ITGA8: variants seen among roughly 807,000 people sequenced by gnomAD.
ITGA8 encodes the protein integrin alpha-8.
In ITGA8, 91 loss-of-function variants were observed where a neutral mutation model predicts 142.3. That is an observed-to-expected ratio of 0.64 (90% CI 0.54 to 0.76). The LOEUF (loss-of-function observed/expected upper bound fraction) is 0.76, where lower values mean the gene tolerates loss of function less well. Ranked by LOEUF, ITGA8 falls within the 30% of genes least tolerant of loss-of-function variation. ITGA8 has a pLI of 0.00. For missense variants in ITGA8, 1,406 were observed against 1,327.7 expected, an observed-to-expected ratio of 1.06 and a Z score of -0.92; for synonymous variants, 505 against 485.2, an observed-to-expected ratio of 1.04 and a Z score of -0.54.
At chr10:15,693,511 A>G (rs1236386233) in intron 2 of ITGA8, among the ~76,000 whole-genome samples, 1 of 152,226 alleles carries the variant, frequency 6.6e-6, no homozygotes, top group Non-Finnish European at 1.5e-5. Flanking sequence ...TTAAAAAACA[A>G]GTTCTGGAAA....
chr10:15,614,481 G>A (rs550100531), intron 14 of ITGA8, among the ~76,000 whole-genome samples: 1 of 152,312 alleles, frequency 6.6e-6, no homozygotes, highest in East Asian at 1.9e-4. Flanking sequence ...CTCTCCAGGT[G>A]ATTATAATAT....
At chr10:15,598,830 A>T (rs1395994526) in intron 20 of ITGA8, among the ~76,000 whole-genome samples, 1 of 152,218 alleles carries the variant, frequency 6.6e-6, no homozygotes, top group Non-Finnish European at 1.5e-5. Context: ...AAATATCCTG[A>T]AAGACAGTTA....
chr10:15,593,244 G>A (rs1832955661), intron 21 of ITGA8, among the ~76,000 whole-genome samples: 1 of 152,110 alleles, frequency 6.6e-6, no homozygotes, highest in Non-Finnish European at 1.5e-5. Context: ...CGTGGAAATA[G>A]ATAAAAACAT....
intron 27 of ITGA8, among the ~76,000 whole-genome samples, chr10:15,534,257 C>G (rs1195774814): frequency 6.6e-6 from 1 of 152,198 alleles, no homozygotes; most frequent in African/African-American, 2.4e-5. Context: ...GAACTTCAGA[C>G]ATATCTGAGA....
chr10:15,620,710 T>C (rs1007669510), intron 13 of ITGA8, among the ~76,000 whole-genome samples: 21 of 152,164 alleles, frequency 1.4e-4, no homozygotes, highest in Non-Finnish European at 2.5e-4. Flanking sequence ...GATTTGCTGG[T>C]TTGTGTTTTG....
At chr10:15,535,438 G>T (rs1470127899) in intron 27 of ITGA8, among the ~76,000 whole-genome samples, 1 of 152,196 alleles carries the variant, frequency 6.6e-6, no homozygotes, top group East Asian at 1.9e-4. Context: ...TGTCTAGCTA[G>T]GGGATTGTAA....
chr10:15,528,196 A>G (rs1833215853), intron 28 of ITGA8, among the ~76,000 whole-genome samples: 1 of 152,116 alleles, frequency 6.6e-6, no homozygotes, highest in Non-Finnish European at 1.5e-5. Context: ...TTGGCCTCCC[A>G]AAGTGCTGGG....
chr10:15,687,810 C>T lies in ITGA8; in HGVS notation c.444+128G>A, dbSNP rs959967300. ...TAAGCATTTAGTTGCTTTTAAAATG[C>T]CAACAGCCTTATCGTTGAAAGTCTA... On this transcript the variant is annotated intron_variant, in intron 3 of 29. Coordinates refer to ENST00000378076, the MANE Select transcript of ITGA8 (RefSeq NM_003638.3). 84 of 591,112 alleles carry T rather than the reference C, an allele frequency of 1.4e-4. 1 individual carries two copies. In the Middle Eastern group the frequency reaches 4.3e-3, roughly 30 times the overall value. 36.6% of individuals were successfully genotyped at this position (591,112 alleles called of 1,614,324 possible).
chr10:15,554,742 TCTTTCTTTTTTTTTTA>T (rs1233714658), intron 26 of ITGA8, among the ~76,000 whole-genome samples: 8 of 150,504 alleles, frequency 5.3e-5, no homozygotes, highest in African/African-American at 2.0e-4. Context: ...TTTCTTTCTT[TCTTTCTTTTTTTTTTA>T]ATGAAGAAAA....
At chr10:15,673,277 G>A (rs761246188) in intron 6 of ITGA8, among the ~76,000 whole-genome samples, 27 of 152,112 alleles carry the variant, frequency 1.8e-4, no homozygotes, top group Non-Finnish European at 2.6e-4. Context: ...TAGAGACGCA[G>A]TTTCACTATG....
chr10:15,543,084 T>C (rs1366784181), intron 27 of ITGA8, among the ~76,000 whole-genome samples: 2 of 152,238 alleles, frequency 1.3e-5, no homozygotes, highest in African/African-American at 4.8e-5. Flanking sequence ...ACTTGTGAGC[T>C]ACCTATAGAA....
At chr10:15,592,403 T>C in intron 21 of ITGA8, 99 bp from the exon 22 acceptor site, 1 of 871,122 alleles carries the variant, frequency 1.1e-6, no homozygotes, top group Admixed American at 2.3e-5. Context: ...TCACTGTAAC[T>C]CTTTCCTTTG....
At chr10:15,564,336 C>T (rs1320037760) in intron 25 of ITGA8, among the ~76,000 whole-genome samples, 1 of 152,200 alleles carries the variant, frequency 6.6e-6, no homozygotes, top group Non-Finnish European at 1.5e-5. Flanking sequence ...CATTTGGAGC[C>T]TCTTTCACAA....
At chr10:15,706,904 C>T (rs1835270029) in intron 2 of ITGA8, among the ~76,000 whole-genome samples, 1 of 152,190 alleles carries the variant, frequency 6.6e-6, no homozygotes, top group Non-Finnish European at 1.5e-5. Flanking sequence ...AATTTCCTAT[C>T]ACTCTTGCCC....
At chr10:15,519,756 G>C (rs1444911200) in intron 28 of ITGA8, among the ~76,000 whole-genome samples, 1 of 152,132 alleles carries the variant, frequency 6.6e-6, no homozygotes, top group Non-Finnish European at 1.5e-5. Context: ...GCCAAAAGTA[G>C]ACTCAATAAA....
chr10:15,672,403 T>G (rs1834540910), intron 7 of ITGA8, among the ~76,000 whole-genome samples: 1 of 152,174 alleles, frequency 6.6e-6, no homozygotes, highest in Non-Finnish European at 1.5e-5. Flanking sequence ...TGCAAAAAAC[T>G]GCTATGGAGC....
At chr10:15,618,189 T>G (rs1833428718) in intron 13 of ITGA8, among the ~76,000 whole-genome samples, 1 of 152,110 alleles carries the variant, frequency 6.6e-6, no homozygotes, top group Non-Finnish European at 1.5e-5. Context: ...AATATACTCA[T>G]GTGACAAACA....
chr10:15,710,231 C>T lies in ITGA8; in HGVS notation c.343+8535G>A, dbSNP rs192786237. 3.7e-4 allele frequency among the ~76,000 whole-genome samples: 56 copies of T among 152,238 alleles called. No homozygotes were observed. The East Asian group carries it at 0.01, about 28-fold the overall frequency. Reference sequence around the variant, plus strand: ...CTTATATTTTTCAAGAAGTTGTAGACACAATTTTGACTTTTATGTTTTTTA... The same window carrying T: ...CTTATATTTTTCAAGAAGTTGTAGATACAATTTTGACTTTTATGTTTTTTA... On this transcript the variant is annotated intron_variant, in intron 2 of 29. Coordinates refer to ENST00000378076, the MANE Select transcript of ITGA8 (RefSeq NM_003638.3).
At chr10:15,651,853 C>A (rs1834092297) in intron 11 of ITGA8, among the ~76,000 whole-genome samples, 1 of 152,060 alleles carries the variant, frequency 6.6e-6, no homozygotes, top group South Asian at 2.1e-4. Flanking sequence ...CTTTCTTTGG[C>A]CAATCTCAAT....
Sources: gnomAD v4.1 joint callset for allele counts (sites outside exome capture counted in the v4.1 genomes callset) on GRCh38, gnomAD v4.1.1 for gene constraint, MANE v1.5 for transcripts, NCBI Gene and HGNC (gene_info 2026-07-23, HGNC 2026-07-21) for gene names.